HIBADH: variants seen among roughly 807,000 people sequenced by gnomAD.
The protein encoded by HIBADH is 3-hydroxyisobutyrate dehydrogenase, also known as 3-hydroxyisobutyrate dehydrogenase, mitochondrial.
Under a neutral mutation model 36.1 loss-of-function variants are expected in HIBADH, and 25 were observed. That is an observed-to-expected ratio of 0.69 (90% CI 0.50 to 0.97). The LOEUF is 0.97. Among genes scored for constraint, HIBADH ranks in the 50% least tolerant of loss-of-function variants. HIBADH has a pLI of 0.00. For synonymous variants in HIBADH, 160 were observed against 149.5 expected (o/e 1.07, Z -0.51); for missense variants, 421 against 418.0 (o/e 1.01, Z -0.06).
chr7:27,556,074 A>G (rs1784384797), intron 4 of HIBADH, among the ~76,000 whole-genome samples: 1 of 152,200 alleles, frequency 6.6e-6, no homozygotes, highest in African/African-American at 2.4e-5. Flanking sequence ...CCACTTTGAT[A>G]AATTACAGTA....
At chr7:27,553,313 C>G (rs1049457181) in intron 4 of HIBADH, among the ~76,000 whole-genome samples, 18 of 152,140 alleles carry the variant, frequency 1.2e-4, no homozygotes, top group Non-Finnish European at 5.9e-5. Context: ...GAGAAGCGGT[C>G]GATAGATCCT....
chr7:27,559,890 T>C (rs117591875), intron 4 of HIBADH, among the ~76,000 whole-genome samples: 136 of 152,374 alleles, frequency 8.9e-4, no homozygotes, highest in Non-Finnish European at 1.6e-3. Flanking sequence ...AGAACTATTA[T>C]AAATGTCCAA....
chr7:27,550,763 T>C (rs1784306669), intron 4 of HIBADH, among the ~76,000 whole-genome samples: 1 of 152,202 alleles, frequency 6.6e-6, no homozygotes, highest in Non-Finnish European at 1.5e-5. Context: ...TGTCATGAGC[T>C]GTTTGAATCT....
At chr7:27,635,666 T>G (rs1029872415) in intron 2 of HIBADH, among the ~76,000 whole-genome samples, 1 of 152,214 alleles carries the variant, frequency 6.6e-6, no homozygotes, top group African/African-American at 2.4e-5. Flanking sequence ...TGTGCAATGA[T>G]TCAGCACAAT....
intron 2 of HIBADH, among the ~76,000 whole-genome samples, chr7:27,640,886 T>G (rs1785948890): frequency 1.3e-5 from 2 of 152,206 alleles, no homozygotes; most frequent in Non-Finnish European, 2.9e-5. Flanking sequence ...AAATACTCTA[T>G]TATAATCCTA....
At chr7:27,582,098 A>G (rs184043064) in intron 4 of HIBADH, among the ~76,000 whole-genome samples, 51 of 152,294 alleles carry the variant, frequency 3.3e-4, no homozygotes, top group Admixed American at 8.5e-4. Flanking sequence ...GAACAGAACT[A>G]TCACTTGTCT....
chr7:27,552,990 C>CT (rs1419885837), intron 4 of HIBADH, among the ~76,000 whole-genome samples: 1 of 152,096 alleles, frequency 6.6e-6, no homozygotes, highest in Non-Finnish European at 1.5e-5. Context: ...GCATCTATCT[C>CT]TTTTTTTAGA....
At chr7:27,574,493 C>A (rs148864184) in intron 4 of HIBADH, among the ~76,000 whole-genome samples, 16,954 of 151,822 alleles carry the variant, frequency 0.11, 1,076 homozygotes, top group Middle Eastern at 0.14. Context: ...TTCCAAACTC[C>A]AAACAGGTAA....
chr7:27,587,424 A>G (rs540115709), intron 4 of HIBADH, among the ~76,000 whole-genome samples: 21 of 152,354 alleles, frequency 1.4e-4, no homozygotes, highest in Middle Eastern at 3.4e-3. Flanking sequence ...AAAATCTGGT[A>G]TAACAAGTTA....
rs370334105 is a variant in HIBADH, at chr7:27,567,439, T to C, written c.485-24339A>G. 2.2e-4 allele frequency among the ~76,000 whole-genome samples: 34 copies of C among 152,318 alleles called. No individual in the cohort carries two copies. In the East Asian group the frequency reaches 5.2e-3, roughly 23 times the overall value. The stretch of plus-strand genomic sequence containing the variant: ...CTTTTTTAAATCCAATCTGATAATA[T>C]CGTGCCTTTTAGTTGGTGTATTTAG... On this transcript the variant is annotated intron_variant, in intron 4 of 7. Transcript: ENST00000265395.
Position 27,531,352 on chromosome 7 carries a change from T to G in HIBADH, c.696-4A>C. The G allele has an allele frequency of 1.9e-6, 3 of 1,599,784 alleles. No individual in the cohort carries two copies. The highest frequency in any genetic ancestry group is 2.6e-6 in the Non-Finnish European group (3 of 1,171,604). On this transcript the variant is annotated splice_region_variant and splice_polypyrimidine_tract_variant and intron_variant, in intron 6 of 7. Coordinates refer to ENST00000265395, the MANE Select transcript of HIBADH (RefSeq NM_152740.4). ...TAGTTTTGGGTCAAGCCCTAACCTG[T>G]CAAAGGTCAAAGAAAAGAAGTGTTA...
chr7:27,631,816 A>T (rs890728818), intron 3 of HIBADH, among the ~76,000 whole-genome samples: 2 of 152,222 alleles, frequency 1.3e-5, no homozygotes, highest in Non-Finnish European at 2.9e-5. Context: ...TCACAAAAAA[A>T]TTTGCAACCT....
At chr7:27,533,543 C>T (rs1784031033) in intron 6 of HIBADH, among the ~76,000 whole-genome samples, 1 of 152,140 alleles carries the variant, frequency 6.6e-6, no homozygotes, top group Non-Finnish European at 1.5e-5. Context: ...TTTCATCTTT[C>T]TGAGGATTCG....
At chr7:27,582,151 T>C (rs985438222) in intron 4 of HIBADH, among the ~76,000 whole-genome samples, 1 of 152,166 alleles carries the variant, frequency 6.6e-6, no homozygotes, top group African/African-American at 2.4e-5. Flanking sequence ...CTCCTTGAAA[T>C]GTTGTTGTAT....
At chr7:27,531,147 G>A (rs747849858) in intron 7 of HIBADH, 45 bp downstream of exon 7, 43 of 1,536,250 alleles carry the variant, frequency 2.8e-5, no homozygotes, top group African/African-American at 4.1e-5. Context: ...TTATTGGACC[G>A]TGAAACGTTT....
In HIBADH at chr7:27,662,877, C is replaced by T; in HGVS notation, c.-89G>A. The stretch of plus-strand genomic sequence containing the variant: ...GCGTGTGCAGCGGGACTGGCTGGCT[C>T]GCCCACGGAGAAGGGCGCGCGCGCA... On this transcript the variant is annotated 5_prime_UTR_variant, in exon 1 of 8. Transcript: ENST00000265395. 1 of 1,107,876 alleles carries T rather than the reference C, an allele frequency of 9.0e-7. No homozygotes were observed. Among genetic ancestry groups the T allele is most frequent in the Non-Finnish European group, 1.2e-6 (1 of 835,204 alleles). 68.6% of individuals were successfully genotyped at this position (1,107,876 alleles called of 1,614,324 possible).
chr7:27,621,296 A>G (rs1785537498), intron 4 of HIBADH, among the ~76,000 whole-genome samples: 1 of 152,196 alleles, frequency 6.6e-6, no homozygotes, highest in South Asian at 2.1e-4. Context: ...CCCAATTCTC[A>G]ATGTTAAACA....
intron 2 of HIBADH, among the ~76,000 whole-genome samples, chr7:27,635,646 A>ACT (rs1346121390): frequency 4.6e-5 from 7 of 152,198 alleles, no homozygotes; most frequent in Non-Finnish European, 8.8e-5. Context: ...GGCTAAGGGG[A>ACT]CTGGAAGCAT....
chr7:27,582,627 T>C (rs937864997), intron 4 of HIBADH, among the ~76,000 whole-genome samples: 2 of 152,152 alleles, frequency 1.3e-5, no homozygotes, highest in African/African-American at 4.8e-5. Flanking sequence ...AATTGAATGC[T>C]GTGGAATGAA....
Sources: allele counts gnomAD v4.1 joint callset (sites outside exome capture counted in the v4.1 genomes callset), GRCh38; gene constraint gnomAD v4.1.1; transcripts MANE v1.5; gene names NCBI Gene and HGNC (gene_info 2026-07-23, HGNC 2026-07-21).